Variants in ATXN10 observed in about 807,000 individuals in gnomAD.
The protein encoded by ATXN10 is ataxin 10, also known as ataxin-10.
In ATXN10, 28 loss-of-function variants were observed where a neutral mutation model predicts 52.9. That is an observed-to-expected ratio of 0.53 (90% CI 0.39 to 0.73). The LOEUF is 0.73. ATXN10 is among the 30% of genes least tolerant of loss of function. The pLI is 0.00. For synonymous variants in ATXN10, 226 were observed against 221.5 expected (o/e 1.02, Z -0.18); for missense variants, 565 against 577.0 (o/e 0.98, Z 0.21).
chr22:45,828,935 A>G lies in ATXN10; in HGVS notation c.1238-14056A>G, dbSNP rs1331604740. Among the ~76,000 whole-genome samples, 1 of 152,216 alleles carries G rather than the reference A, an allele frequency of 6.6e-6. No homozygotes were observed. Among genetic ancestry groups the G allele is most frequent in the East Asian group, 1.9e-4 (1 of 5,198 alleles). ...TATGAAGCCAGCATTTCCCTGGTAC[A>G]AAAGCTAGACAGAGACACTACAAGA... On this transcript the variant is annotated intron_variant, in intron 10 of 11. Coordinates refer to ENST00000252934, the MANE Select transcript of ATXN10 (RefSeq NM_013236.4). The surrounding 1 kb of genome is among the most constrained non-coding windows in gnomAD (Gnocchi z 4.5).
chr22:45,745,049 C>G (rs1176108591), intron 9 of ATXN10, among the ~76,000 whole-genome samples: 1 of 152,120 alleles, frequency 6.6e-6, no homozygotes, highest in African/African-American at 2.4e-5. Flanking sequence ...CTTGCTACAA[C>G]TGTAGTGATT....
At chr22:45,693,105 A>G in intron 3 of ATXN10, 27 bp downstream of exon 3, 5 of 1,582,100 alleles carry the variant, frequency 3.2e-6, no homozygotes, top group Non-Finnish European at 4.3e-6. Flanking sequence ...TTCATGGATT[A>G]TTTATATCTT....
At chr22:45,713,675 A>G (rs1196862983) in intron 5 of ATXN10, among the ~76,000 whole-genome samples, 3 of 152,176 alleles carry the variant, frequency 2.0e-5, no homozygotes, top group Admixed American at 6.5e-5. Context: ...TTGATAGACT[A>G]TATGTGGTTC....
chr22:45,734,439 A>G (rs745964417), intron 7 of ATXN10: 2 of 241,204 alleles, frequency 8.3e-6, no homozygotes, highest in South Asian at 8.6e-5. Flanking sequence ...TTTTGTTTGA[A>G]TTTATTTCTG....
At position 45,718,736 on chromosome 22, in the gene ATXN10, C is replaced by A. The variant is rs1319445614; in HGVS notation, c.728+243C>A. Among the ~76,000 whole-genome samples, 3 of 152,118 alleles carry A rather than the reference C, an allele frequency of 2.0e-5. No individual in the cohort carries two copies. The highest frequency in any genetic ancestry group is 4.4e-5 in the Non-Finnish European group (3 of 68,024). On this transcript the variant is annotated intron_variant, in intron 6 of 11. Coordinates refer to ENST00000252934, the MANE Select transcript of ATXN10 (RefSeq NM_013236.4). This position sits in a 1 kb window ranked among gnomAD's most constrained non-coding sequence, Gnocchi z 4.4. ...TTCAGTAAATGCATATTAAGAAAAA[C>A]ATTAAGAACAAAATATTATGCATAT... is the stretch of plus-strand genomic sequence containing the variant.
At position 45,732,290 on chromosome 22, in the gene ATXN10, C is replaced by CA. The variant is rs138164; in HGVS notation, c.894+2710dup. On this transcript the variant is annotated intron_variant, in intron 7 of 11. Coordinates refer to ENST00000252934, the MANE Select transcript of ATXN10 (RefSeq NM_013236.4). The surrounding 1 kb of genome is among the most constrained non-coding windows in gnomAD (Gnocchi z 4.5). ...GCAACATAAGGAGACTCCATCTGTACAAAAAAAAAACACAAAGAATTAGCT... is the reference window on the plus strand; with the variant it reads ...GCAACATAAGGAGACTCCATCTGTACAAAAAAAAAAACACAAAGAATTAGCT... Among the ~76,000 whole-genome samples the CA allele has an allele frequency of 6.4e-4, 93 of 145,528 alleles. No homozygotes were observed. Among genetic ancestry groups the CA allele is most frequent in the East Asian group, 1.8e-3 (9 of 4,990 alleles).
rs557807666 is a variant in ATXN10, at chr22:45,772,643, G to T, written c.1173+32105G>T. ...TGCGTTAAATATACAGCTCTCTTTG[G>T]GGGGAATCAATGTCTTACTGTGTTG... On this transcript the variant is annotated intron_variant, in intron 9 of 11. Transcript: ENST00000252934. This position sits in a 1 kb window ranked among gnomAD's most constrained non-coding sequence, Gnocchi z 4.1. Among the ~76,000 whole-genome samples the T allele has an allele frequency of 6.6e-6, 1 of 152,156 alleles. No individual in the cohort carries two copies. Among genetic ancestry groups the T allele is most frequent in the East Asian group, 1.9e-4 (1 of 5,198 alleles).
Position 45,759,870 on chromosome 22 carries a change from T to G in ATXN10, c.1173+19332T>G, listed in dbSNP as rs1367671704. On this transcript the variant is annotated intron_variant, in intron 9 of 11. Transcript: ENST00000252934. This position sits in a 1 kb window ranked among gnomAD's most constrained non-coding sequence, Gnocchi z 5.4. ...ATTTTTAATGAATGGCTGATAAGTTTTGACAGATGTCTGCACCTGTGTAAT... is the reference window on the plus strand; with the variant it reads ...ATTTTTAATGAATGGCTGATAAGTTGTGACAGATGTCTGCACCTGTGTAAT... Among the ~76,000 whole-genome samples, 3 of 152,176 alleles carry G rather than the reference T, an allele frequency of 2.0e-5. No individual in the cohort carries two copies. Among genetic ancestry groups the G allele is most frequent in the Non-Finnish European group, 2.9e-5 (2 of 68,028 alleles).
rs534871095 is a variant in ATXN10, at chr22:45,692,660, A to G, written c.309-336A>G. ...AAAAGGTGTGATGCTATTAAAGCCT[A>G]GATCTTTTTACATCTTTTGCACTTT... is the stretch of plus-strand genomic sequence containing the variant. On this transcript the variant is annotated intron_variant, in intron 2 of 11. Transcript: ENST00000252934. Among the ~76,000 whole-genome samples the G allele has an allele frequency of 4.6e-5, 7 of 152,362 alleles. No homozygotes were observed. In the East Asian group the frequency reaches 1.3e-3, roughly 29 times the overall value.
chr22:45,753,262 G>T (rs1276077973), intron 9 of ATXN10, among the ~76,000 whole-genome samples: 4 of 147,688 alleles, frequency 2.7e-5, no homozygotes, highest in African/African-American at 9.9e-5. Flanking sequence ...CTTCTTAGGA[G>T]AAACCTTTTT....
At position 45,775,881 on chromosome 22, in the gene ATXN10, C is replaced by T. The variant is rs181287030; in HGVS notation, c.1174-31078C>T. On this transcript the variant is annotated intron_variant, in intron 9 of 11. Coordinates refer to ENST00000252934, the MANE Select transcript of ATXN10 (RefSeq NM_013236.4). This position sits in a 1 kb window ranked among gnomAD's most constrained non-coding sequence, Gnocchi z 4.7. ...CCAGCCGGGAGGTAACATTAACATC[C>T]GTTTGCTGGTGTTTGAAACCTGGAG... Among the ~76,000 whole-genome samples, 11 of 152,224 alleles carry T rather than the reference C, an allele frequency of 7.2e-5. No individual in the cohort carries two copies. Among genetic ancestry groups the T allele is most frequent in the Non-Finnish European group, 1.6e-4 (11 of 68,016 alleles).
intron 10 of ATXN10, among the ~76,000 whole-genome samples, chr22:45,834,094 A>C (rs1016348442): frequency 6.6e-6 from 1 of 152,204 alleles, no homozygotes; most frequent in African/African-American, 2.4e-5. Context: ...GTGACAACTG[A>C]TGCTGTTACC....
intron 9 of ATXN10, among the ~76,000 whole-genome samples, chr22:45,745,578 A>C (rs912679051): frequency 2.0e-5 from 3 of 152,248 alleles, no homozygotes; most frequent in African/African-American, 7.2e-5. Context: ...AAAGTTCAAC[A>C]TGTAAAGACA....
rs1406559216 is a variant in ATXN10 at position 45,820,848 on chromosome 22, C to T, written c.1237+13826C>T. Among the ~76,000 whole-genome samples, 5 of 152,132 alleles carry T rather than the reference C, an allele frequency of 3.3e-5. No individual in the cohort carries two copies. Among genetic ancestry groups the T allele is most frequent in the East Asian group, 3.9e-4 (2 of 5,172 alleles). ...TTCTTCAGGGTTAACTGAGCACAGCCGAAAACAGGCCCTGTGCTGTGAAAG... is the reference window on the plus strand; with the variant it reads ...TTCTTCAGGGTTAACTGAGCACAGCTGAAAACAGGCCCTGTGCTGTGAAAG... On this transcript the variant is annotated intron_variant, in intron 10 of 11. Coordinates refer to ENST00000252934, the MANE Select transcript of ATXN10 (RefSeq NM_013236.4). The surrounding 1 kb of genome is among the most constrained non-coding windows in gnomAD (Gnocchi z 4.9).
At chr22:45,710,813 A>G (rs1924217045) in intron 5 of ATXN10, among the ~76,000 whole-genome samples, 1 of 152,180 alleles carries the variant, frequency 6.6e-6, no homozygotes, top group African/African-American at 2.4e-5. Flanking sequence ...CCCTTTATGG[A>G]AAAGTTTGCC....
At chr22:45,793,632 T>A (rs1382404861) in intron 9 of ATXN10, 1 of 1,375,356 alleles carries the variant, frequency 7.3e-7, no homozygotes, top group Non-Finnish European at 9.5e-7. Flanking sequence ...TCACAGTCTG[T>A]TCCACCAGCC....
At chr22:45,734,741 A>G (rs1401196153) in intron 7 of ATXN10, among the ~76,000 whole-genome samples, 2 of 151,748 alleles carry the variant, frequency 1.3e-5, no homozygotes, top group African/African-American at 2.4e-5. Context: ...TCTTTTGACT[A>G]TCCAAGATTA....
intron 3 of ATXN10, among the ~76,000 whole-genome samples, chr22:45,695,564 G>A (rs990864053): frequency 2.0e-5 from 3 of 148,796 alleles, no homozygotes; most frequent in Admixed American, 6.8e-5. Context: ...ATATTGGCTC[G>A]CTGCAACCAC....
At chr22:45,698,952 C>T (rs1330437049) in intron 3 of ATXN10, among the ~76,000 whole-genome samples, 1 of 152,098 alleles carries the variant, frequency 6.6e-6, no homozygotes, top group Non-Finnish European at 1.5e-5. Flanking sequence ...GATTTTTTAG[C>T]AGGGTATGTG....
Sources: allele counts gnomAD v4.1 joint callset (sites outside exome capture counted in the v4.1 genomes callset), GRCh38; gene constraint gnomAD v4.1.1; non-coding constraint Gnocchi (gnomAD v3.1); transcripts MANE v1.5; gene names NCBI Gene and HGNC (gene_info 2026-07-23, HGNC 2026-07-21).